The following FAM168A variants were observed in gnomAD, a reference collection of about 807,000 sequenced individuals.
FAM168A encodes the protein family with sequence similarity 168 member A.
A neutral mutation model predicts 28.5 loss-of-function variants in FAM168A; 3 were observed. That is an observed-to-expected ratio of 0.11 (90% CI 0.05 to 0.27). The LOEUF is 0.27. FAM168A is among the 10% of genes least tolerant of loss of function. The pLI, the probability that FAM168A is intolerant of heterozygous loss-of-function variation, is 1.00. For missense variants in FAM168A, 222 were observed against 311.5 expected (o/e 0.71, Z 2.16); for synonymous variants, 122 against 124.2 (o/e 0.98, Z 0.12).
chr11:73,507,860 C>T (rs1393220811), intron 1 of FAM168A, among the ~76,000 whole-genome samples: 3 of 152,240 alleles, frequency 2.0e-5, no homozygotes, highest in East Asian at 3.9e-4. Context: ...CAAGGTCCTG[C>T]AGGGCTAACT....
At chr11:73,408,135 T>C (rs1866541815) in intron 6 of FAM168A, among the ~76,000 whole-genome samples, 1 of 152,204 alleles carries the variant, frequency 6.6e-6, no homozygotes, top group Non-Finnish European at 1.5e-5. Flanking sequence ...CCTCCCAAAA[T>C]GCTGGGATTA....
Position 73,532,718 on chromosome 11 carries a change from C to T in FAM168A, c.-18-64226G>A, listed in dbSNP as rs145615350. ...TTGTTTACTACAGTTCAAACCATTGCTATCTAAATTTCAATGTTGGTGGCA... is the reference window on the plus strand; with the variant it reads ...TTGTTTACTACAGTTCAAACCATTGTTATCTAAATTTCAATGTTGGTGGCA... On this transcript the variant is annotated intron_variant, in intron 1 of 7. Transcript: ENST00000356467. Among the ~76,000 whole-genome samples the T allele has an allele frequency of 2.2e-3, 337 of 152,328 alleles. 1 individual carries two copies. Among genetic ancestry groups the T allele is most frequent in the African/African-American group, 7.7e-3 (318 of 41,568 alleles).
At chr11:73,443,668 G>A (rs1363793844) in intron 2 of FAM168A, among the ~76,000 whole-genome samples, 1 of 152,126 alleles carries the variant, frequency 6.6e-6, no homozygotes, top group Non-Finnish European at 1.5e-5. Context: ...ATGCAACAGT[G>A]GCGCTTCATT....
At chr11:73,420,388 C>CAAA (rs1294082703) in intron 3 of FAM168A, among the ~76,000 whole-genome samples, 1 of 152,194 alleles carries the variant, frequency 6.6e-6, no homozygotes, top group East Asian at 1.9e-4. Flanking sequence ...ATCAACTGAG[C>CAAA]ACTCTTTGTT....
intron 1 of FAM168A, among the ~76,000 whole-genome samples, chr11:73,481,201 G>A (rs12287163): frequency 0.03 from 4,546 of 152,184 alleles, 224 homozygotes; most frequent in African/African-American, 0.11. Context: ...CTACAGGCAC[G>A]TGCCACCATG....
intron 1 of FAM168A, among the ~76,000 whole-genome samples, chr11:73,518,526 A>G (rs562880604): frequency 1.5e-4 from 22 of 151,584 alleles, no homozygotes; most frequent in African/African-American, 4.4e-4. Context: ...TCATAAATAG[A>G]TTAATGTGGG....
intron 1 of FAM168A, among the ~76,000 whole-genome samples, chr11:73,473,984 A>T (rs1867852175): frequency 6.6e-6 from 1 of 151,854 alleles, no homozygotes. Flanking sequence ...TAATTTTTGT[A>T]TTTTTAGTAG....
intron 1 of FAM168A, among the ~76,000 whole-genome samples, chr11:73,474,533 GC>G (rs1867862033): frequency 6.6e-6 from 1 of 151,998 alleles, no homozygotes; most frequent in Admixed American, 6.6e-5. Flanking sequence ...TGAGGACAGG[GC>G]CCCCAGAACC....
In FAM168A at chr11:73,467,558, T is replaced by A. The variant is rs113719186; in HGVS notation, c.70+847A>T. On this transcript the variant is annotated intron_variant, in intron 2 of 7. Coordinates refer to ENST00000356467, the MANE Select transcript of FAM168A (RefSeq NM_015159.3). ...CCCTTCCAGATTTACAATGTTTAAA[T>A]CTTGATGCAAATCAATAGATAAATG... Among the ~76,000 whole-genome samples the A allele has an allele frequency of 1.3e-3, 199 of 152,304 alleles. 1 individual carries two copies. The highest frequency in any genetic ancestry group is 4.5e-3 in the African/African-American group (189 of 41,556).
Position 73,401,793 on chromosome 11 carries a change from A to G in FAM168A, c.*4970T>C, listed in dbSNP as rs1053374344. The G allele has an allele frequency of 6.6e-6, 1 of 152,188 alleles. No homozygotes were observed. Among genetic ancestry groups the G allele is most frequent in the Non-Finnish European group, 1.5e-5 (1 of 68,038 alleles). 9.4% of individuals were successfully genotyped at this position (152,188 alleles called of 1,614,324 possible). On this transcript the variant is annotated 3_prime_UTR_variant, in exon 8 of 8. Coordinates refer to ENST00000356467, the MANE Select transcript of FAM168A (RefSeq NM_015159.3). The stretch of plus-strand genomic sequence containing the variant: ...CTTTGGGTTGGACTCAACAGCATGC[A>G]CCACAGAAGATATCCACTGGAGAGA...
At chr11:73,561,543 A>C (rs79615838) in intron 1 of FAM168A, among the ~76,000 whole-genome samples, 5,950 of 152,108 alleles carry the variant, frequency 0.039, 401 homozygotes, top group African/African-American at 0.14. Context: ...TTACTTTTGT[A>C]AACTACTCTC....
At chr11:73,570,260 T>C (rs1490151934) in intron 1 of FAM168A, among the ~76,000 whole-genome samples, 1 of 152,082 alleles carries the variant, frequency 6.6e-6, no homozygotes, top group Non-Finnish European at 1.5e-5. Flanking sequence ...CTCTCCTCTA[T>C]AAAACGGGGA....
At chr11:73,444,132 T>A (rs1867256787) in intron 2 of FAM168A, among the ~76,000 whole-genome samples, 1 of 152,196 alleles carries the variant, frequency 6.6e-6, no homozygotes. Context: ...CTTTACCTAA[T>A]CCTCATGAAC....
At position 73,574,713 on chromosome 11, in the gene FAM168A, CT is replaced by C. The variant is rs1944150939; in HGVS notation, c.-19+23209del. On this transcript the variant is annotated intron_variant, in intron 1 of 7. Coordinates refer to ENST00000356467, the MANE Select transcript of FAM168A (RefSeq NM_015159.3). ...AAGTAGCTGGGATGTGCCACTACAC[CT>C]GGCATTTTTTTTTTTTTTTTTTTTT... Among the ~76,000 whole-genome samples the C allele has an allele frequency of 1.5e-5, 2 of 135,712 alleles. 1 individual carries two copies. Among genetic ancestry groups the C allele is most frequent in the South Asian group, 5.0e-4 (2 of 3,970 alleles). The allele number at this position is 135,712 out of a possible 152,430, so 89.0% of individuals were successfully genotyped here. A position where few individuals can be genotyped will look rare whatever the true frequency, so the allele number is the denominator to read the frequency against.
At chr11:73,444,605 C>A (rs1867266415) in intron 2 of FAM168A, among the ~76,000 whole-genome samples, 1 of 152,064 alleles carries the variant, frequency 6.6e-6, no homozygotes, top group South Asian at 2.1e-4. Context: ...TGAAAGTGTC[C>A]CCACATTTTT....
intron 1 of FAM168A, among the ~76,000 whole-genome samples, chr11:73,520,834 G>A (rs555274019): frequency 6.7e-6 from 1 of 150,326 alleles, no homozygotes; most frequent in East Asian, 2.0e-4. Context: ...AAAAAAAAAA[G>A]ATGTGGTTAT....
At position 73,589,482 on chromosome 11, in the gene FAM168A, T is replaced by C. The variant is rs527512539; in HGVS notation, c.-19+8441A>G. Among the ~76,000 whole-genome samples the C allele has an allele frequency of 1.5e-4, 20 of 134,034 alleles. No homozygotes were observed. The South Asian group carries it at 3.0e-3, about 20-fold the overall frequency. 87.9% of individuals were successfully genotyped at this position (134,034 alleles called of 152,430 possible). ...ACATAAAATACACCAACACTAACGA[T>C]AGCTGATAAGCTGAAAAAAAAAAAA... On this transcript the variant is annotated intron_variant, in intron 1 of 7. Coordinates refer to ENST00000356467, the MANE Select transcript of FAM168A (RefSeq NM_015159.3).
intron 1 of FAM168A, among the ~76,000 whole-genome samples, chr11:73,547,693 T>C (rs573785982): frequency 6.6e-6 from 1 of 152,132 alleles, no homozygotes; most frequent in African/African-American, 2.4e-5. Context: ...AAAAATAGAA[T>C]GACCATACTA....
intron 1 of FAM168A, among the ~76,000 whole-genome samples, chr11:73,520,542 G>A (rs1245413844): frequency 1.3e-5 from 2 of 152,096 alleles, no homozygotes; most frequent in Non-Finnish European, 2.9e-5. Flanking sequence ...AACCTCTTTA[G>A]AATTTCAGGG....
Sources: allele counts gnomAD v4.1 joint callset (sites outside exome capture counted in the v4.1 genomes callset), GRCh38; gene constraint gnomAD v4.1.1; transcripts MANE v1.5; gene names NCBI Gene and HGNC (gene_info 2026-07-23, HGNC 2026-07-21).